Variants in CLCN7 observed in about 807,000 individuals in gnomAD.
CLCN7 encodes the protein Cl-/H+ antiporter 7.
CLCN7 carries 60 observed loss-of-function variants against 102.1 expected under a neutral mutation model. That is an observed-to-expected ratio of 0.59 (90% confidence interval 0.48 to 0.73). The LOEUF (loss-of-function observed/expected upper bound fraction) is 0.73. Among genes scored for constraint, CLCN7 ranks in the 30% least tolerant of loss-of-function variants. The pLI, the probability that CLCN7 is intolerant of heterozygous loss-of-function variation, is 0.00. For synonymous variants in CLCN7, 560 were observed against 490.5 expected, an observed-to-expected ratio of 1.14 and a Z score of -1.87; for missense variants, 962 against 1,125.7, an observed-to-expected ratio of 0.85 and a Z score of 2.08.
intron 15 of CLCN7, 174 bp downstream of exon 15, chr16:1,452,581 G>C: frequency 1.5e-6 from 1 of 670,790 alleles, no homozygotes; most frequent in Non-Finnish European, 2.5e-6. Context: ...GCAGACACCT[G>C]GCCTCCTCTG....
rs566739148 is a variant in CLCN7 at position 1,450,599 on chromosome 16, G to A, written c.1515C>T (p.Tyr505=). ...AGACCCCGGCAGACACCGTGAGCCC[G>A]TAGGTCCAGCAGGCCAGGAAGAAGT... is the stretch of plus-strand genomic sequence containing the variant. The part of the protein sequence containing the change: ...LVYFFLACWT[Y]GLTVSAGVFI... Residue 505 remains tyrosine, a synonymous_variant, in exon 17 of 25, where the codon TAC becomes TAT. Coordinates refer to ENST00000382745, the MANE Select transcript of CLCN7 (RefSeq NM_001287.6). The A allele has an allele frequency of 4.2e-5, 67 of 1,612,546 alleles. No homozygotes were observed. Among genetic ancestry groups the A allele is most frequent in the African/African-American group, 4.0e-5 (3 of 75,042 alleles).
intron 19 of CLCN7, 94 bp downstream of exon 19, chr16:1,448,872 A>AC (rs1292961626): frequency 2.3e-5 from 36 of 1,596,540 alleles, no homozygotes; most frequent in Non-Finnish European, 2.6e-5. Context: ...CCCTGAGCCT[A>AC]CCCCCCGGGA....
At position 1,461,613 on chromosome 16, in the gene CLCN7, A is replaced by C. The variant is rs2142390246; in HGVS notation, c.275T>G (p.Leu92Arg). 1 of 1,614,002 alleles carries C rather than the reference A, an allele frequency of 6.2e-7. No homozygotes were observed. The highest frequency in any genetic ancestry group is 8.5e-7 in the Non-Finnish European group (1 of 1,179,988). Residue 92 changes from leucine (L) to arginine (R), a missense_variant, in exon 3 of 25, where the codon CTC becomes CGC. By Grantham distance (102) the Leu-to-Arg change is moderately radical. Around this residue, in one of 2 missense-constraint regions of CLCN7, gnomAD observed 163 missense variants for 137.7 expected, o/e 1.18. Transcript: ENST00000382745. ...EIPHNEKLLS[L>R]KYESLDYDNS... ...CAGAAGGACGCCCACCTCATACTTG[A>C]GGGACAGGAGCTTCTCGTTGTGTGG...
intron 14 of CLCN7, 57 bp downstream of exon 14, chr16:1,453,777 C>A: frequency 6.5e-7 from 1 of 1,540,262 alleles, no homozygotes; most frequent in South Asian, 1.1e-5. Flanking sequence ...CGTCCGCTTT[C>A]AAAGGGCCTG....
At chr16:1,458,968 C>A (rs1396792696) in intron 7 of CLCN7, 139 bp downstream of exon 7, 4 of 655,828 alleles carry the variant, frequency 6.1e-6, no homozygotes, top group Non-Finnish European at 7.9e-6. Context: ...TCACACCCAG[C>A]CAGCCCATCT....
At chr16:1,455,707 A>G in intron 11 of CLCN7, 24 bp downstream of exon 11, 3 of 1,610,488 alleles carry the variant, frequency 1.9e-6, no homozygotes, top group Non-Finnish European at 2.5e-6. Flanking sequence ...CCTGATCAGG[A>G]GGCAGCCATC....
At position 1,457,622 on chromosome 16, in the gene CLCN7, C is replaced by G. The variant is rs534885107; in HGVS notation, c.738+72G>C. Reference sequence around the variant, plus strand: ...AGAAGGACCGGTGCTCAGAGACACACATGGGCGTGGCGGCCCTCGCGGGCC... The same window carrying G: ...AGAAGGACCGGTGCTCAGAGACACAGATGGGCGTGGCGGCCCTCGCGGGCC... On this transcript the variant is annotated intron_variant, in intron 8 of 24. Coordinates refer to ENST00000382745, the MANE Select transcript of CLCN7 (RefSeq NM_001287.6). This position sits in a 1 kb window ranked among gnomAD's most constrained non-coding sequence, Gnocchi z 5.4. 34 of 1,496,650 alleles carry G rather than the reference C, an allele frequency of 2.3e-5. No homozygotes were observed. Among genetic ancestry groups the G allele is most frequent in the East Asian group, 2.1e-4 (9 of 43,900 alleles). 92.7% of individuals were successfully genotyped at this position (1,496,650 alleles called of 1,614,324 possible).
At chr16:1,466,196 C>T (rs556887007) in intron 1 of CLCN7, among the ~76,000 whole-genome samples, 2 of 152,364 alleles carry the variant, frequency 1.3e-5, no homozygotes, top group South Asian at 4.1e-4. Flanking sequence ...AAAGTGTTGG[C>T]GGAGGAGTCC....
In CLCN7 at chr16:1,457,920, T is replaced by C. The variant is rs1384903918; in HGVS notation, c.676-164A>G. ...AGGCTGGGTCTCCCCATGGCCACAG[T>C]GGAGCTAAACAGCAGCCAAGCGTCC... On this transcript the variant is annotated intron_variant, in intron 7 of 24. Coordinates refer to ENST00000382745, the MANE Select transcript of CLCN7 (RefSeq NM_001287.6). The surrounding 1 kb of genome is among the most constrained non-coding windows in gnomAD (Gnocchi z 5.4). 6.6e-6 allele frequency among the ~76,000 whole-genome samples: 1 copy of C among 152,130 alleles called. No homozygotes were observed. Among genetic ancestry groups the C allele is most frequent in the African/African-American group, 2.4e-5 (1 of 41,420 alleles).
At chr16:1,447,253 G>A (rs955655611) in intron 23 of CLCN7, 139 bp downstream of exon 23, 1 of 1,175,338 alleles carries the variant, frequency 8.5e-7, no homozygotes, top group Non-Finnish European at 1.2e-6. Context: ...TCTAAAGCCT[G>A]CCAGGCCCTT....
intron 10 of CLCN7, 107 bp downstream of exon 10, chr16:1,456,006 C>G (rs1366101605): frequency 2.7e-6 from 3 of 1,112,240 alleles, no homozygotes; most frequent in Non-Finnish European, 2.6e-6. Flanking sequence ...GGCCGTGACT[C>G]CAAGCCTCTG....
intron 2 of CLCN7, among the ~76,000 whole-genome samples, chr16:1,462,696 G>A (rs1006649463): frequency 1.4e-5 from 2 of 145,318 alleles, no homozygotes; most frequent in Non-Finnish European, 3.0e-5. Context: ...AACCAGGCAT[G>A]GTACTGGCAT....
intron 21 of CLCN7, among the ~76,000 whole-genome samples, chr16:1,447,981 G>A (rs1567263866): frequency 6.6e-6 from 1 of 152,186 alleles, no homozygotes; most frequent in Non-Finnish European, 1.5e-5. Flanking sequence ...TTTGCTGCAG[G>A]GCAGATGCAG....
intron 1 of CLCN7, among the ~76,000 whole-genome samples, chr16:1,469,754 C>G (rs910333892): frequency 5.3e-5 from 8 of 152,218 alleles, no homozygotes; most frequent in Non-Finnish European, 1.5e-5. Flanking sequence ...GTCTGAAAGT[C>G]CCACTTGCAC....
At chr16:1,474,315 C>G in intron 1 of CLCN7, 1 of 413,174 alleles carries the variant, frequency 2.4e-6, no homozygotes, top group East Asian at 7.6e-5. Context: ...AAAGTCGGGA[C>G]TGATCCCCAC....
chr16:1,462,665 C>CAAAAAAAAAAAAAAAAAAA (rs67969666), intron 2 of CLCN7, among the ~76,000 whole-genome samples: 4 of 36,172 alleles, frequency 1.1e-4, no homozygotes, highest in African/African-American at 2.4e-4. Flanking sequence ...AAAAAAAAGC[C>CAAAAAAAAAAAAAAAAAAA]AAAAAAAAAA....
chr16:1,446,417 A>G lies in CLCN7; in HGVS notation c.*214T>C. On this transcript the variant is annotated 3_prime_UTR_variant, in exon 25 of 25. Transcript: ENST00000382745. ...AGGAGAGTGGAGGCTGGGCCTGCGC[A>G]AGGAGGCGCCAAGGGGGGAGACCAC... is the stretch of plus-strand genomic sequence containing the variant. 1.4e-6 allele frequency: 1 copy of G among 702,716 alleles called. No homozygotes were observed. The highest frequency in any genetic ancestry group is 2.6e-6 in the Non-Finnish European group (1 of 385,166). The allele number at this position is 702,716 out of a possible 1,614,324, so 43.5% of individuals were successfully genotyped here.
At chr16:1,446,948 G>A (rs2038656450) in intron 24 of CLCN7, 58 bp downstream of exon 24, 3 of 1,460,550 alleles carry the variant, frequency 2.1e-6, no homozygotes, top group Non-Finnish European at 2.8e-6. Flanking sequence ...GTAAGCACGG[G>A]CAGGAGGCAG....
chr16:1,455,746 G>C lies in CLCN7; in HGVS notation c.966C>G (p.Phe322Leu). The change falls in exon 11 of 25, where the codon TTC (phenylalanine) becomes TTG (leucine). Residue 322 changes from phenylalanine (F) to leucine (L), a missense_variant. Coordinates refer to ENST00000382745, the MANE Select transcript of CLCN7 (RefSeq NM_001287.6). ...LEEGASFWNQ[F>L]LTWRIFFASM... ...AGGAACTTACGATCCTCCAGGTCAG[G>C]AACTGGTTCCAGAAGGACGCACCCT... 1 of 1,613,838 alleles carries C rather than the reference G, an allele frequency of 6.2e-7. No homozygotes were observed.
Sources: allele counts gnomAD v4.1 joint callset (sites outside exome capture counted in the v4.1 genomes callset), GRCh38; gene constraint gnomAD v4.1.1; regional missense constraint gnomAD v4.1.1; non-coding constraint Gnocchi (gnomAD v3.1); transcripts MANE v1.5; gene names NCBI Gene and HGNC (gene_info 2026-07-23, HGNC 2026-07-21).